KCNIP1: variants seen among roughly 807,000 people sequenced by gnomAD.
KCNIP1 encodes A-type potassium channel modulatory protein KCNIP1.
Under a neutral mutation model 33.0 loss-of-function variants are expected in KCNIP1, and 18 were observed. That is an observed-to-expected ratio of 0.55 (90% CI 0.38 to 0.81). The LOEUF is 0.81. Ranked by LOEUF, KCNIP1 falls within the 30% of genes least tolerant of loss-of-function variation. The pLI, the probability that KCNIP1 is intolerant of heterozygous loss-of-function variation, is 0.00. For synonymous variants in KCNIP1, 93 were observed against 98.3 expected (o/e 0.95, Z 0.32); for missense variants, 238 against 271.6 (o/e 0.88, Z 0.87).
At chr5:170,582,534 A>G (rs1037344856) in intron 1 of KCNIP1, among the ~76,000 whole-genome samples, 1 of 152,226 alleles carries the variant, frequency 6.6e-6, no homozygotes, top group Admixed American at 6.5e-5. Context: ...AAAGGTGAGC[A>G]GCAAAGGCCA....
chr5:170,715,957 T>C (rs1763631540), intron 1 of KCNIP1, among the ~76,000 whole-genome samples: 1 of 152,226 alleles, frequency 6.6e-6, no homozygotes, highest in Non-Finnish European at 1.5e-5. Flanking sequence ...CCATTCTCCT[T>C]CCTTTACTGG....
chr5:170,626,753 G>A (rs754103925), intron 1 of KCNIP1, among the ~76,000 whole-genome samples: 15 of 152,324 alleles, frequency 9.8e-5, no homozygotes, highest in South Asian at 2.1e-4. Context: ...TGAGGCTGCC[G>A]CACAAGTTGC....
At chr5:170,700,295 C>A (rs1047388887) in intron 1 of KCNIP1, among the ~76,000 whole-genome samples, 1 of 152,156 alleles carries the variant, frequency 6.6e-6, no homozygotes, top group Non-Finnish European at 1.5e-5. Flanking sequence ...TGCCTAAGTT[C>A]GCATGGTAAC....
intron 1 of KCNIP1, among the ~76,000 whole-genome samples, chr5:170,558,888 G>GTAAA (rs1756933713): frequency 6.6e-6 from 1 of 152,152 alleles, no homozygotes; most frequent in Admixed American, 6.5e-5. Context: ...TATCTTCTTA[G>GTAAA]CCCCTAGTAA....
chr5:170,426,108 G>A (rs1331377537), intron 1 of KCNIP1, among the ~76,000 whole-genome samples: 1 of 152,158 alleles, frequency 6.6e-6, no homozygotes, highest in Admixed American at 6.5e-5. Context: ...CTGGTTCCTT[G>A]CAGTAAGTCC....
chr5:170,635,389 A>G (rs1386905759), intron 1 of KCNIP1, among the ~76,000 whole-genome samples: 2 of 152,084 alleles, frequency 1.3e-5, no homozygotes, highest in East Asian at 1.9e-4. Context: ...TCTCTTTGTT[A>G]TCTTACATGT....
intron 1 of KCNIP1, among the ~76,000 whole-genome samples, chr5:170,598,097 C>T (rs560271859): frequency 8.5e-5 from 13 of 152,264 alleles, no homozygotes; most frequent in Non-Finnish European, 1.8e-4. Flanking sequence ...CAACTGCAGT[C>T]GCTGTCTCTA....
At chr5:170,647,235 G>A (rs12332259) in intron 1 of KCNIP1, among the ~76,000 whole-genome samples, 14,628 of 152,094 alleles carry the variant, frequency 0.096, 1,315 homozygotes, top group African/African-American at 0.24. Flanking sequence ...TTGGTTATTA[G>A]CAACTATTAA....
intron 1 of KCNIP1, chr5:170,375,219 A>G (rs1269894917): frequency 6.6e-6 from 1 of 152,252 alleles, no homozygotes; most frequent in Non-Finnish European, 1.5e-5. Context: ...GTAATATTTA[A>G]TATTTTGCAA....
intron 1 of KCNIP1, among the ~76,000 whole-genome samples, chr5:170,446,890 A>G (rs1756129296): frequency 6.6e-6 from 1 of 152,224 alleles, no homozygotes; most frequent in African/African-American, 2.4e-5. Context: ...AAGACTTGTG[A>G]ACCTGCTCCA....
At position 170,473,719 on chromosome 5, in the gene KCNIP1, C is replaced by T. The variant is rs191647264; in HGVS notation, c.88+119755C>T. Among the ~76,000 whole-genome samples, 519 of 152,224 alleles carry T rather than the reference C, an allele frequency of 3.4e-3. 3 individuals carry two copies. Among genetic ancestry groups the T allele is most frequent in the African/African-American group, 0.012 (486 of 41,516 alleles). On this transcript the variant is annotated intron_variant, in intron 1 of 7. Transcript: ENST00000377360. ...AACTCTTGCCACTTCATCCACAAAG[C>T]CCCCCTCTATTTCCTCCTTTCCCTC...
At chr5:170,357,555 G>A (rs1397149130) in intron 1 of KCNIP1, among the ~76,000 whole-genome samples, 1 of 152,158 alleles carries the variant, frequency 6.6e-6, no homozygotes, top group Non-Finnish European at 1.5e-5. Context: ...TTTTGAGGCA[G>A]GGTCTCATTC....
At chr5:170,408,758 C>T (rs192606283) in intron 1 of KCNIP1, among the ~76,000 whole-genome samples, 248 of 152,238 alleles carry the variant, frequency 1.6e-3, no homozygotes, top group Non-Finnish European at 2.6e-3. Context: ...GCTGTCACTG[C>T]GGCCCTTGTC....
At chr5:170,569,723 G>A (rs1025942065) in intron 1 of KCNIP1, among the ~76,000 whole-genome samples, 2 of 152,096 alleles carry the variant, frequency 1.3e-5, no homozygotes, top group Admixed American at 1.3e-4. Context: ...CAGCCTGGGA[G>A]ACAGAACGAA....
chr5:170,688,967 G>T (rs1258328823), intron 1 of KCNIP1, among the ~76,000 whole-genome samples: 1 of 142,510 alleles, frequency 7.0e-6, no homozygotes, highest in Non-Finnish European at 1.5e-5. Flanking sequence ...GAAGGGAAGG[G>T]TGGAAAGAAG....
At chr5:170,683,172 G>T (rs1762417651) in intron 1 of KCNIP1, among the ~76,000 whole-genome samples, 1 of 152,172 alleles carries the variant, frequency 6.6e-6, no homozygotes, top group African/African-American at 2.4e-5. Context: ...AGAAAAAGAA[G>T]GGAATTAACA....
chr5:170,629,510 G>T (rs1759968752), intron 1 of KCNIP1, among the ~76,000 whole-genome samples: 1 of 152,180 alleles, frequency 6.6e-6, no homozygotes, highest in Non-Finnish European at 1.5e-5. Context: ...TCTCAGGCAG[G>T]CCAGAGGTGC....
chr5:170,487,551 T>C (rs1466289174), intron 1 of KCNIP1, among the ~76,000 whole-genome samples: 2 of 151,054 alleles, frequency 1.3e-5, no homozygotes, highest in African/African-American at 4.9e-5. Flanking sequence ...AGACAGGGTC[T>C]GGCTGTGTCA....
Position 170,437,483 on chromosome 5 carries a change from C to T in KCNIP1, c.88+83519C>T, listed in dbSNP as rs73800673. On this transcript the variant is annotated intron_variant, in intron 1 of 7. Coordinates refer to the KCNIP1 transcript ENST00000377360. Reference sequence around the variant, plus strand: ...AACAAACCTTCAAATCTCTGCTCACCCCCATTTGAGAGACCAGAGATGAGC... The same window carrying T: ...AACAAACCTTCAAATCTCTGCTCACTCCCATTTGAGAGACCAGAGATGAGC... Among the ~76,000 whole-genome samples the T allele has an allele frequency of 8.2e-3, 1,253 of 152,260 alleles. 17 individuals are homozygous for T. The highest frequency in any genetic ancestry group is 0.029 in the African/African-American group (1,205 of 41,536).
Sources: allele counts gnomAD v4.1 joint callset (sites outside exome capture counted in the v4.1 genomes callset), GRCh38; gene constraint gnomAD v4.1.1; transcripts MANE v1.5; gene names NCBI Gene and HGNC (gene_info 2026-07-23, HGNC 2026-07-21).